Variants in TDRD3 observed in about 807,000 individuals in gnomAD.
TDRD3 encodes tudor domain containing 3.
Under a neutral mutation model 86.7 loss-of-function variants are expected in TDRD3, and 45 were observed. That is an observed-to-expected ratio of 0.52 (90% confidence interval 0.41 to 0.67). The LOEUF is 0.67. Among genes scored for constraint, TDRD3 ranks in the 30% least tolerant of loss-of-function variants. TDRD3 has a pLI of 0.00. For missense variants in TDRD3, 814 were observed against 889.0 expected (o/e 0.92, Z 1.07); for synonymous variants, 298 against 301.7 (o/e 0.99, Z 0.13).
At chr13:60,396,380 G>A (rs1375128004), upstream of TDRD3, 2 of 152,384 alleles carry the variant, frequency 1.3e-5, no homozygotes, top group East Asian at 1.9e-4. Flanking sequence ...ATTGGCCAGC[G>A]TGAGTCACGG....
At chr13:60,508,840 T>C (rs1956993463) in intron 8 of TDRD3, among the ~76,000 whole-genome samples, 1 of 152,116 alleles carries the variant, frequency 6.6e-6, no homozygotes, top group African/African-American at 2.4e-5. Context: ...AATTACAGGA[T>C]TCAAAATGTC....
intron 8 of TDRD3, among the ~76,000 whole-genome samples, chr13:60,507,737 A>T (rs904920238): frequency 6.6e-5 from 10 of 152,134 alleles, no homozygotes; most frequent in African/African-American, 2.4e-4. Flanking sequence ...CTCTCTCACC[A>T]CTCCTATTCA....
chr13:60,561,471 G>A lies in TDRD3; in HGVS notation c.2119-6054G>A, dbSNP rs140033641. On this transcript the variant is annotated intron_variant, in intron 12 of 13. Transcript: ENST00000377881. ...AGAGGTTGAAGAAAGTGAGGAAGAG[G>A]AAGCCAAAGGGGTACTGCTCACAAA... Among the ~76,000 whole-genome samples the A allele has an allele frequency of 4.9e-3, 747 of 152,240 alleles. 3 individuals carry two copies. The highest frequency in any genetic ancestry group is 0.024 in the Middle Eastern group (7 of 294).
At chr13:60,468,618 T>C (rs565468708) in intron 5 of TDRD3, among the ~76,000 whole-genome samples, 2 of 152,272 alleles carry the variant, frequency 1.3e-5, no homozygotes, top group African/African-American at 4.8e-5. Context: ...CATCTGTATC[T>C]CAAGTTATCC....
chr13:60,399,332 A>C (rs1954031824), intron 1 of TDRD3, among the ~76,000 whole-genome samples: 2 of 152,086 alleles, frequency 1.3e-5, no homozygotes, highest in South Asian at 4.1e-4. Context: ...TTGCAACTTA[A>C]CTGTTTATGT....
chr13:60,414,382 T>A lies in TDRD3; in HGVS notation c.41+16977T>A, dbSNP rs188370443. ...CACCTACTGTCTGTAGCTGCTTTTG[T>A]GCTACAGGAGCAAAGAGTAGTTGTG... On this transcript the variant is annotated intron_variant, in intron 1 of 13. Coordinates refer to ENST00000377881, the MANE Select transcript of TDRD3 (RefSeq NM_001146070.2). Among the ~76,000 whole-genome samples, 21 of 152,288 alleles carry A rather than the reference T, an allele frequency of 1.4e-4. No individual in the cohort carries two copies. The East Asian group carries it at 1.9e-3, about 14-fold the overall frequency.
At chr13:60,465,671 TTTC>T (rs1955904401) in intron 4 of TDRD3, among the ~76,000 whole-genome samples, 1 of 152,192 alleles carries the variant, frequency 6.6e-6, no homozygotes, top group African/African-American at 2.4e-5. Context: ...ACATCCTCTA[TTTC>T]TTCTTAATAA....
chr13:60,428,936 C>G (rs1241674200), intron 1 of TDRD3, among the ~76,000 whole-genome samples: 2 of 152,058 alleles, frequency 1.3e-5, no homozygotes, highest in African/African-American at 2.4e-5. Context: ...ATCAGCATAC[C>G]AGGGTGCCAT....
At chr13:60,516,090 G>T (rs1566263439) in intron 10 of TDRD3, among the ~76,000 whole-genome samples, 1 of 152,170 alleles carries the variant, frequency 6.6e-6, no homozygotes, top group Non-Finnish European at 1.5e-5. Flanking sequence ...TTGTGATTCA[G>T]TGATATGCAT....
intron 8 of TDRD3, 114 bp downstream of exon 8, chr13:60,494,689 A>G: frequency 1.2e-6 from 1 of 868,036 alleles, no homozygotes; most frequent in Non-Finnish European, 1.6e-6. Flanking sequence ...AGATGTTATA[A>G]CTCTTGAAGG....
intron 5 of TDRD3, among the ~76,000 whole-genome samples, chr13:60,472,630 A>G (rs1594979423): frequency 6.6e-6 from 1 of 152,256 alleles, no homozygotes; most frequent in East Asian, 1.9e-4. Context: ...AATTAAAAAT[A>G]GAATTACCAT....
intron 10 of TDRD3, among the ~76,000 whole-genome samples, chr13:60,516,786 C>A (rs1957181589): frequency 6.6e-6 from 1 of 152,148 alleles, no homozygotes; most frequent in African/African-American, 2.4e-5. Context: ...TCATTTCCAC[C>A]TTCACTGCCC....
At chr13:60,568,965 C>T (rs1958523734) in intron 13 of TDRD3, among the ~76,000 whole-genome samples, 1 of 150,934 alleles carries the variant, frequency 6.6e-6, no homozygotes, top group Non-Finnish European at 1.5e-5. Flanking sequence ...GTTTTTTTTC[C>T]CCCCTTTTCT....
intron 12 of TDRD3, among the ~76,000 whole-genome samples, chr13:60,539,118 A>T (rs1344413732): frequency 6.6e-6 from 1 of 152,148 alleles, no homozygotes; most frequent in East Asian, 1.9e-4. Flanking sequence ...GGAAGGTGAT[A>T]GGCAAATTGT....
rs1682999494 is a variant in TDRD3, at chr13:60,573,085, C to CG, written c.*10-530dup. ...GGCCTGGAGCATACAAGTCTTCTCT[C>CG]GCCATTTATCTCAGCTCTTTCTCTT... is the stretch of plus-strand genomic sequence containing the variant. On this transcript the variant is annotated intron_variant, in intron 13 of 13. Transcript: ENST00000377881. 2.0e-5 allele frequency among the ~76,000 whole-genome samples: 3 copies of CG among 152,312 alleles called. No individual in the cohort carries two copies. In the South Asian group the frequency reaches 6.2e-4, roughly 32 times the overall value.
At chr13:60,436,802 A>C (rs1750363290) in intron 1 of TDRD3, among the ~76,000 whole-genome samples, 1 of 152,186 alleles carries the variant, frequency 6.6e-6, no homozygotes, top group African/African-American at 2.4e-5. Context: ...TTTTTGTTAG[A>C]CTTTACCTTT....
chr13:60,474,173 T>C (rs945767110), intron 5 of TDRD3, among the ~76,000 whole-genome samples: 1 of 152,174 alleles, frequency 6.6e-6, no homozygotes, highest in South Asian at 2.1e-4. Flanking sequence ...AATAATGGCG[T>C]AAGCTGTCCT....
chr13:60,450,594 A>G (rs971880438), intron 3 of TDRD3, among the ~76,000 whole-genome samples: 29 of 152,192 alleles, frequency 1.9e-4, no homozygotes, highest in African/African-American at 6.8e-4. Context: ...GTATGTATCT[A>G]GGAAGTGCTA....
At chr13:60,563,624 A>C (rs1958387772) in intron 12 of TDRD3, among the ~76,000 whole-genome samples, 1 of 152,172 alleles carries the variant, frequency 6.6e-6, no homozygotes, top group Non-Finnish European at 1.5e-5. Flanking sequence ...CCTTCCAGGG[A>C]TTGGCTGATG....
Sources: allele counts gnomAD v4.1 joint callset (sites outside exome capture counted in the v4.1 genomes callset), GRCh38; gene constraint gnomAD v4.1.1; transcripts MANE v1.5; gene names NCBI Gene and HGNC (gene_info 2026-07-23, HGNC 2026-07-21).